The following MYT1L variants were observed in gnomAD, a reference collection of about 807,000 sequenced individuals.
The protein encoded by MYT1L is myelin transcription factor 1-like protein.
Under a neutral mutation model 126.7 loss-of-function variants are expected in MYT1L, and 12 were observed. That is an observed-to-expected ratio of 0.09 (90% CI 0.06 to 0.15). The LOEUF (loss-of-function observed/expected upper bound fraction) is 0.15, where lower values mean the gene tolerates loss of function less well. Ranked by LOEUF, MYT1L falls within the 10% of genes least tolerant of loss-of-function variation. MYT1L has a pLI of 1.00. For missense variants in MYT1L, 979 were observed against 1,585.2 expected (o/e 0.62, Z 6.49); for synonymous variants, 541 against 604.2 (o/e 0.90, Z 1.53).
intron 8 of MYT1L, among the ~76,000 whole-genome samples, chr2:1,978,731 C>T (rs765870355): frequency 6.6e-5 from 10 of 152,234 alleles, no homozygotes; most frequent in East Asian, 1.9e-4. Flanking sequence ...GGATGAACCC[C>T]GTTAAATGCT....
At chr2:1,999,886 C>T (rs995247785) in intron 4 of MYT1L, among the ~76,000 whole-genome samples, 1 of 152,174 alleles carries the variant, frequency 6.6e-6, no homozygotes, top group African/African-American at 2.4e-5. Flanking sequence ...AAGTATGCTA[C>T]AATTCATATT....
intron 4 of MYT1L, among the ~76,000 whole-genome samples, chr2:2,016,190 A>C (rs748237984): frequency 6.6e-6 from 1 of 152,226 alleles, no homozygotes; most frequent in Non-Finnish European, 1.5e-5. Flanking sequence ...ATACAAAGCC[A>C]CTGCTCTCTG....
At chr2:1,870,833 C>T (rs79828746) in intron 18 of MYT1L, among the ~76,000 whole-genome samples, 2 of 152,310 alleles carry the variant, frequency 1.3e-5, no homozygotes, top group Non-Finnish European at 2.9e-5. Flanking sequence ...GTACAATATT[C>T]ATTTCTGAAA....
At position 1,868,668 on chromosome 2, in the gene MYT1L, T is replaced by C. The variant is rs531984248; in HGVS notation, c.2712-16965A>G. Reference sequence around the variant, plus strand: ...TCCATTCCTCAGGCTGCCTTCTCTGTGCCCCCCTTCTCTGGCACTCGTGGG... The same window carrying C: ...TCCATTCCTCAGGCTGCCTTCTCTGCGCCCCCCTTCTCTGGCACTCGTGGG... On this transcript the variant is annotated intron_variant, in intron 18 of 24. Coordinates refer to ENST00000647738, the MANE Select transcript of MYT1L (RefSeq NM_001303052.2). 3.9e-5 allele frequency among the ~76,000 whole-genome samples: 6 copies of C among 152,298 alleles called. No homozygotes were observed. In the South Asian group the frequency reaches 1.2e-3, roughly 32 times the overall value.
intron 19 of MYT1L, among the ~76,000 whole-genome samples, chr2:1,851,035 G>A (rs151132919): frequency 3.5e-4 from 53 of 152,152 alleles, no homozygotes; most frequent in African/African-American, 1.1e-3. Flanking sequence ...TTCCATTCTC[G>A]GCTAAATAGT....
At chr2:1,858,542 G>A (rs1463546581) in intron 18 of MYT1L, among the ~76,000 whole-genome samples, 1 of 152,214 alleles carries the variant, frequency 6.6e-6, no homozygotes, top group Non-Finnish European at 1.5e-5. Flanking sequence ...AAATGCATGA[G>A]AGGATGTGTG....
intron 21 of MYT1L, among the ~76,000 whole-genome samples, chr2:1,838,085 TG>T (rs1319272677): frequency 6.6e-6 from 1 of 152,058 alleles, no homozygotes; most frequent in Non-Finnish European, 1.5e-5. Context: ...AGCTAATTTT[TG>T]TATTTTTAGC....
At chr2:1,926,063 T>G (rs1482239947) in intron 9 of MYT1L, among the ~76,000 whole-genome samples, 1 of 152,212 alleles carries the variant, frequency 6.6e-6, no homozygotes, top group Middle Eastern at 3.2e-3. Context: ...GCCTGCCGTG[T>G]GCTTCTACCC....
chr2:2,132,690 T>C (rs1472807657), intron 3 of MYT1L, among the ~76,000 whole-genome samples: 1 of 152,094 alleles, frequency 6.6e-6, no homozygotes, highest in Non-Finnish European at 1.5e-5. Flanking sequence ...TATATACCTA[T>C]GTAACAAACC....
intron 21 of MYT1L, among the ~76,000 whole-genome samples, chr2:1,834,506 C>T (rs1438796461): frequency 1.3e-5 from 2 of 152,112 alleles, no homozygotes; most frequent in Non-Finnish European, 2.9e-5. Context: ...TATTCAGTCT[C>T]AAAAGGGAAG....
intron 8 of MYT1L, among the ~76,000 whole-genome samples, chr2:1,946,016 C>G (rs931764284): frequency 6.6e-6 from 1 of 152,130 alleles, no homozygotes; most frequent in East Asian, 1.9e-4. Flanking sequence ...GGCAGGCAAG[C>G]GAGCGAAGCT....
chr2:2,082,728 C>T (rs1405140387), intron 3 of MYT1L, among the ~76,000 whole-genome samples: 2 of 152,130 alleles, frequency 1.3e-5, no homozygotes, highest in Non-Finnish European at 2.9e-5. Flanking sequence ...TATATAAACC[C>T]TTCGGAAAAC....
intron 8 of MYT1L, among the ~76,000 whole-genome samples, chr2:1,953,129 A>G (rs1273301563): frequency 1.3e-5 from 2 of 151,702 alleles, no homozygotes; most frequent in Admixed American, 6.6e-5. Flanking sequence ...AGCTCAGCTA[A>G]TTTTTGTATT....
chr2:2,083,368 C>T (rs1351480584), intron 3 of MYT1L, among the ~76,000 whole-genome samples: 3 of 152,156 alleles, frequency 2.0e-5, no homozygotes, highest in African/African-American at 7.2e-5. Context: ...CCTGCACATG[C>T]GCAGGAATGG....
chr2:2,082,317 T>C (rs991447177), intron 3 of MYT1L, among the ~76,000 whole-genome samples: 1 of 152,194 alleles, frequency 6.6e-6, no homozygotes, highest in Admixed American at 6.5e-5. Flanking sequence ...TGAACTAACA[T>C]TGTTTGAAGT....
chr2:2,159,854 CT>C (rs892913342), intron 3 of MYT1L, among the ~76,000 whole-genome samples: 1 of 151,948 alleles, frequency 6.6e-6, no homozygotes, highest in Non-Finnish European at 1.5e-5. Context: ...CTGTTTGCTA[CT>C]TTTTCTTCTT....
chr2:2,318,399 T>G (rs1447166469), intron 1 of MYT1L, among the ~76,000 whole-genome samples: 11 of 152,224 alleles, frequency 7.2e-5, no homozygotes, highest in Admixed American at 7.2e-4. Flanking sequence ...GATCATTAAC[T>G]TTAAAACTAG....
At chr2:1,792,174 G>A in intron 24 of MYT1L, 147 bp downstream of exon 24, 2 of 1,245,682 alleles carry the variant, frequency 1.6e-6, no homozygotes, top group South Asian at 1.6e-5. Flanking sequence ...CATGTTTCTA[G>A]CAGTTAATGG....
intron 18 of MYT1L, among the ~76,000 whole-genome samples, chr2:1,879,819 T>A (rs2047322503): frequency 6.6e-6 from 1 of 151,828 alleles, no homozygotes; most frequent in South Asian, 2.1e-4. Context: ...AAATAGGTTG[T>A]ATAAGATGCA....
Sources: gnomAD v4.1 joint callset for allele counts (sites outside exome capture counted in the v4.1 genomes callset) on GRCh38, gnomAD v4.1.1 for gene constraint, MANE v1.5 for transcripts, NCBI Gene and HGNC (gene_info 2026-07-23, HGNC 2026-07-21) for gene names.